NSD2: variants seen among roughly 807,000 people sequenced by gnomAD.
NSD2 encodes nuclear receptor binding SET domain protein 2.
In NSD2, 12 loss-of-function variants were observed where a neutral mutation model predicts 139.0. The ratio of observed to expected loss-of-function variants is 0.09; its 90% CI spans 0.06 to 0.14. NSD2 has a LOEUF of 0.14. Among genes scored for constraint, NSD2 ranks in the 10% least tolerant of loss-of-function variants. NSD2 has a pLI of 1.00. For missense variants in NSD2, 1,155 were observed against 1,745.0 expected, an observed-to-expected ratio of 0.66 and a Z score of 6.02; for synonymous variants, 669 against 648.7, an observed-to-expected ratio of 1.03 and a Z score of -0.48.
At chr4:1,925,504 T>C (rs552920369) in intron 5 of NSD2, among the ~76,000 whole-genome samples, 94 of 149,106 alleles carry the variant, frequency 6.3e-4, no homozygotes, top group African/African-American at 2.3e-3. Flanking sequence ...GTTCAAGCGA[T>C]TCTCCTGCCT....
At position 1,972,042 on chromosome 4, in the gene NSD2, G is replaced by A. The variant is rs1021608383; in HGVS notation, c.3373-2821G>A. On this transcript the variant is annotated intron_variant, in intron 18 of 21. Coordinates refer to ENST00000508803, the MANE Select transcript of NSD2 (RefSeq NM_001042424.3). The surrounding 1 kb of genome is among the most constrained non-coding windows in gnomAD (Gnocchi z 4.0). ...TGCGGGTGCTGGGTGATGCAGGCAG[G>A]GCAGAAACAGCAGAGCAGCAAGAGG... is the stretch of plus-strand genomic sequence containing the variant. 1.3e-5 allele frequency among the ~76,000 whole-genome samples: 2 copies of A among 152,196 alleles called. No homozygotes were observed. The highest frequency in any genetic ancestry group is 4.8e-5 in the African/African-American group (2 of 41,454).
At chr4:1,947,557 G>C (rs530604700) in intron 9 of NSD2, 34 of 1,053,186 alleles carry the variant, frequency 3.2e-5, no homozygotes, top group Admixed American at 1.1e-4. Context: ...TATTTTAGAT[G>C]ATGAGTGACT....
rs932626990 is a variant in NSD2 at position 1,972,590 on chromosome 4, G to A, written c.3373-2273G>A. On this transcript the variant is annotated intron_variant, in intron 18 of 21. Coordinates refer to ENST00000508803, the MANE Select transcript of NSD2 (RefSeq NM_001042424.3). This position sits in a 1 kb window ranked among gnomAD's most constrained non-coding sequence, Gnocchi z 4.0. ...GGAGTGGGGCCAAAGCCAGGGCCGG[G>A]CAGCCCACGTACCACGCACTGATGC... 5.9e-5 allele frequency among the ~76,000 whole-genome samples: 9 copies of A among 152,204 alleles called. No homozygotes were observed. Among genetic ancestry groups the A allele is most frequent in the African/African-American group, 2.2e-4 (9 of 41,454 alleles).
intron 2 of NSD2, among the ~76,000 whole-genome samples, chr4:1,903,527 C>G (rs541131200): frequency 9.2e-5 from 14 of 152,046 alleles, no homozygotes; most frequent in African/African-American, 3.1e-4. Context: ...GAGAACTGAT[C>G]GTCAGACATG....
At chr4:1,914,084 G>A (rs921690626) in intron 3 of NSD2, among the ~76,000 whole-genome samples, 23 of 152,174 alleles carry the variant, frequency 1.5e-4, no homozygotes, top group African/African-American at 5.1e-4. Flanking sequence ...GTTCAGTGGC[G>A]GGATCTCAGC....
At chr4:1,969,359 C>G (rs1726201797) in intron 18 of NSD2, among the ~76,000 whole-genome samples, 3 of 152,096 alleles carry the variant, frequency 2.0e-5, no homozygotes, top group Admixed American at 6.5e-5. Flanking sequence ...CAGCCAGTAC[C>G]CGCTCCAAGA....
At chr4:1,930,119 G>A (rs551235994) in intron 5 of NSD2, among the ~76,000 whole-genome samples, 5 of 152,242 alleles carry the variant, frequency 3.3e-5, no homozygotes, top group Admixed American at 6.5e-5. Context: ...GGTTGTCTCC[G>A]TGTGCTGGCC....
intron 12 of NSD2, among the ~76,000 whole-genome samples, chr4:1,953,832 T>C (rs1724536554): frequency 1.3e-5 from 2 of 152,042 alleles, no homozygotes; most frequent in Non-Finnish European, 2.9e-5. Context: ...TCTTGCTCTG[T>C]TACCCAGGCT....
In NSD2 at chr4:1,959,525, C is replaced by G. The variant is rs972287878; in HGVS notation, c.3040C>G (p.Pro1014Ala). The change falls in exon 17 of 22, where the codon CCT becomes GCT. Residue 1014 changes from proline (P) to alanine (A), a missense_variant. Pro to Ala is a conservative substitution (Grantham distance 27). This residue lies in a region of NSD2 where 139 missense variants were observed against 485.8 expected (regional missense o/e 0.29). Transcript: ENST00000508803. ...QIYTADISEI[P>A]KCNCKPTDEN... ...CTACACAGCGGATATTTCAGAAATC[C>G]CTAAGTGCAACTGCAAGCCCACAGA... The G allele has an allele frequency of 6.2e-7, 1 of 1,614,030 alleles. No homozygotes were observed. Among genetic ancestry groups the G allele is most frequent in the Admixed American group, 1.7e-5 (1 of 60,002 alleles).
intron 7 of NSD2, among the ~76,000 whole-genome samples, chr4:1,936,795 A>G (rs1224204583): frequency 1.3e-5 from 2 of 152,206 alleles, no homozygotes; most frequent in Non-Finnish European, 2.9e-5. Context: ...TGGAAAATAC[A>G]TCTCACATAT....
chr4:1,933,615 C>T (rs1448843589), intron 6 of NSD2, among the ~76,000 whole-genome samples: 3 of 151,916 alleles, frequency 2.0e-5, no homozygotes, highest in African/African-American at 7.3e-5. Context: ...AGGATGGTCT[C>T]GATCTCCTGA....
chr4:1,881,158 T>C (rs974722553), intron 1 of NSD2, among the ~76,000 whole-genome samples: 1 of 152,142 alleles, frequency 6.6e-6, no homozygotes. Context: ...TTTTTTGAGA[T>C]AGGGTCCCTC....
In NSD2 at chr4:1,948,344, A is replaced by G. The variant is rs1202219776; in HGVS notation, c.1882-2728A>G. 7 of 1,065,654 alleles carry G rather than the reference A, an allele frequency of 6.6e-6. No homozygotes were observed. The highest frequency in any genetic ancestry group is 8.0e-6 in the Non-Finnish European group (7 of 878,618). 66.0% of individuals were successfully genotyped at this position (1,065,654 alleles called of 1,614,324 possible). A position where few individuals can be genotyped will look rare whatever the true frequency, so the allele number is the denominator to read the frequency against. Reference sequence around the variant, plus strand: ...ATGTTGTAGACTGAGATTTGGGACTATGTTGGGACCGTACAGGTGAATGTG... The same window carrying G: ...ATGTTGTAGACTGAGATTTGGGACTGTGTTGGGACCGTACAGGTGAATGTG... On this transcript the variant is annotated intron_variant, in intron 9 of 21. Transcript: ENST00000508803. The surrounding 1 kb of genome is among the most constrained non-coding windows in gnomAD (Gnocchi z 4.5).
chr4:1,946,772 T>C (rs1255033705), intron 9 of NSD2: 23 of 1,049,772 alleles, frequency 2.2e-5, no homozygotes, highest in Non-Finnish European at 2.6e-5. Flanking sequence ...CTGATTCCTA[T>C]ACTGGATGAG....
intron 3 of NSD2, among the ~76,000 whole-genome samples, chr4:1,905,515 G>C (rs1186995922): frequency 6.6e-6 from 1 of 152,236 alleles, no homozygotes; most frequent in Non-Finnish European, 1.5e-5. Flanking sequence ...CAGCGTTGCT[G>C]CCCTTGCTAT....
At chr4:1,959,432 C>G (rs200930259) in intron 16 of NSD2, 39 bp from the exon 17 acceptor site, 157 of 1,598,222 alleles carry the variant, frequency 9.8e-5, no homozygotes, top group Admixed American at 5.4e-4. Flanking sequence ...TCGGAAGGCT[C>G]TCATGTGTGG....
chr4:1,900,315 C>T (rs1716980276), intron 1 of NSD2, among the ~76,000 whole-genome samples: 1 of 152,138 alleles, frequency 6.6e-6, no homozygotes, highest in Non-Finnish European at 1.5e-5. Context: ...GGATGATTGG[C>T]AAGTTAAGTT....
intron 6 of NSD2, among the ~76,000 whole-genome samples, chr4:1,933,693 C>T (rs1721961068): frequency 6.6e-6 from 1 of 152,110 alleles, no homozygotes; most frequent in Non-Finnish European, 1.5e-5. Flanking sequence ...CGCGCCCGGC[C>T]CTGCAAGATG....
intron 6 of NSD2, among the ~76,000 whole-genome samples, chr4:1,934,908 TAAA>T (rs58817114): frequency 1.3e-5 from 1 of 79,090 alleles, no homozygotes; most frequent in Admixed American, 1.5e-4. Flanking sequence ...TATATATATA[TAAA>T]AAACAGATAA....
Sources: allele counts gnomAD v4.1 joint callset (sites outside exome capture counted in the v4.1 genomes callset), GRCh38; gene constraint gnomAD v4.1.1; regional missense constraint gnomAD v4.1.1; non-coding constraint Gnocchi (gnomAD v3.1); transcripts MANE v1.5; gene names NCBI Gene and HGNC (gene_info 2026-07-23, HGNC 2026-07-21).